SAFB: variants seen among roughly 807,000 people sequenced by gnomAD.
SAFB encodes scaffold attachment factor B1.
SAFB carries 15 observed loss-of-function variants against 101.6 expected under a neutral mutation model. The ratio of observed to expected loss-of-function variants is 0.15; its 90% CI spans 0.10 to 0.23. The LOEUF is 0.23. Among genes scored for constraint, SAFB ranks in the 10% least tolerant of loss-of-function variants. The pLI, the probability that SAFB is intolerant of heterozygous loss-of-function variation, is 1.00. For synonymous variants in SAFB, 449 were observed against 407.5 expected (o/e 1.10, Z -1.23); for missense variants, 930 against 1,104.1 (o/e 0.84, Z 2.23).
chr19:5,626,357 T>C, intron 1 of SAFB, 48 bp from the exon 2 acceptor site: 1 of 1,053,446 alleles, frequency 9.5e-7, no homozygotes, highest in South Asian at 1.3e-5. Context: ...CTGAAAGCAG[T>C]GTGTGAGCTG....
chr19:5,632,261 G>C (rs2053505619), intron 2 of SAFB, among the ~76,000 whole-genome samples: 1 of 152,164 alleles, frequency 6.6e-6, no homozygotes, highest in African/African-American at 2.4e-5. Context: ...TAAGTTGCAA[G>C]AATAATGCAA....
chr19:5,658,873 G>A (rs1353632556), intron 14 of SAFB, among the ~76,000 whole-genome samples: 4 of 150,410 alleles, frequency 2.7e-5, no homozygotes, highest in Admixed American at 6.6e-5. Context: ...GGGGCCGGGC[G>A]CGGTGGCTCA....
intron 2 of SAFB, among the ~76,000 whole-genome samples, chr19:5,640,803 C>T (rs962716046): frequency 7.9e-5 from 12 of 152,250 alleles, no homozygotes; most frequent in Non-Finnish European, 1.2e-4. Context: ...GTTGGCCAGG[C>T]TGGTGTCAAA....
intron 2 of SAFB, among the ~76,000 whole-genome samples, chr19:5,628,201 A>G (rs1375871675): frequency 6.6e-6 from 1 of 152,138 alleles, no homozygotes; most frequent in African/African-American, 2.4e-5. Context: ...CACTGAGCCC[A>G]GATCGCACCA....
chr19:5,657,499 A>C (rs1243114182), intron 14 of SAFB, 152 bp downstream of exon 14: 1 of 584,732 alleles, frequency 1.7e-6, no homozygotes, highest in Admixed American at 3.2e-5. Flanking sequence ...GTTATGTTTT[A>C]ACTTTCATCC....
chr19:5,653,889 C>T (rs2053995508), intron 11 of SAFB, among the ~76,000 whole-genome samples, 172 bp from the exon 12 acceptor site: 1 of 151,900 alleles, frequency 6.6e-6, no homozygotes, highest in Non-Finnish European at 1.5e-5. Context: ...TCCCGATTTG[C>T]TTGGATTATA....
At chr19:5,662,544 T>TA (rs2054237358) in intron 15 of SAFB, among the ~76,000 whole-genome samples, 1 of 151,080 alleles carries the variant, frequency 6.6e-6, no homozygotes, top group Admixed American at 6.6e-5. Context: ...GCTGGTTAAC[T>TA]AACCAGGTTC....
chr19:5,650,475 G>A (rs993630158), intron 8 of SAFB, among the ~76,000 whole-genome samples: 2 of 152,206 alleles, frequency 1.3e-5, no homozygotes, highest in Middle Eastern at 3.4e-3. Context: ...GCAGTGGCGC[G>A]ATCTCAGCTC....
Position 5,668,469 on chromosome 19 carries a change from A to C in SAFB, c.*178A>C. 1.7e-6 allele frequency: 1 copy of C among 598,710 alleles called. No individual in the cohort carries two copies. Among genetic ancestry groups the C allele is most frequent in the Non-Finnish European group, 2.7e-6 (1 of 365,342 alleles). 37.1% of individuals were successfully genotyped at this position (598,710 alleles called of 1,614,324 possible). A position where few individuals can be genotyped will look rare whatever the true frequency, so the allele number is the denominator to read the frequency against. The stretch of plus-strand genomic sequence containing the variant: ...TTGTAATAAATGTGTTTCCGTTCAC[A>C]TACCCTTTATTTAAAGTGTCATTTC... On this transcript the variant is annotated 3_prime_UTR_variant, in exon 21 of 21. Transcript: ENST00000588852.
At chr19:5,655,975 G>C (rs1180827001) in intron 13 of SAFB, among the ~76,000 whole-genome samples, 1 of 152,080 alleles carries the variant, frequency 6.6e-6, no homozygotes. Context: ...TTGGTGTTTT[G>C]ATCTTATATG....
intron 1 of SAFB, 73 bp downstream of exon 1, chr19:5,623,467 C>T (rs2053241062): frequency 7.4e-7 from 1 of 1,343,898 alleles, no homozygotes; most frequent in African/African-American, 1.5e-5. Context: ...GGCTCGCGGG[C>T]CCTGGCGTCC....
At chr19:5,668,061 G>A in intron 20 of SAFB, 101 bp from the exon 21 acceptor site, 1 of 1,514,500 alleles carries the variant, frequency 6.6e-7, no homozygotes, top group Non-Finnish European at 8.9e-7. Flanking sequence ...GCATTAGGAA[G>A]GGGCCCTGCC....
At chr19:5,648,504 C>T (rs2053871424) in intron 6 of SAFB, 4 of 285,568 alleles carry the variant, frequency 1.4e-5, no homozygotes, top group Non-Finnish European at 2.7e-5. Context: ...GAAAGAGTGT[C>T]TTCATGAGAA....
At chr19:5,653,921 A>G in intron 11 of SAFB, 140 bp from the exon 12 acceptor site, 2 of 675,084 alleles carry the variant, frequency 3.0e-6, no homozygotes, top group Admixed American at 2.7e-5. Flanking sequence ...TTGTGGTTTT[A>G]GTAGAGATGG....
rs2054387240 is a variant in SAFB, at chr19:5,668,402, A to C, written c.*111A>C. 5.8e-6 allele frequency: 7 copies of C among 1,203,018 alleles called. No homozygotes were observed. Among genetic ancestry groups the C allele is most frequent in the Non-Finnish European group, 7.9e-6 (7 of 885,296 alleles). 74.5% of individuals were successfully genotyped at this position (1,203,018 alleles called of 1,614,324 possible). A position where few individuals can be genotyped will look rare whatever the true frequency, so the allele number is the denominator to read the frequency against. ...TTAATCTGCTGCCATATTGTAGCTC[A>C]ATACAATGTGAATTTGTTTTTCGTT... On this transcript the variant is annotated 3_prime_UTR_variant, in exon 21 of 21. Transcript: ENST00000588852.
Position 5,648,994 on chromosome 19 carries a change from G to A in SAFB, c.643G>A (p.Glu215Lys), listed in dbSNP as rs2053880961. ...IEEPSLEPEN[E>K]KILDILGETC... ...TATTCCTGTTAAATCCGTAGAAAAT[G>A]AGAAAATACTCGACATTTTGGGGGA... Residue 215 changes from glutamate (E) to lysine (K), a missense_variant, in exon 7 of 21, where the codon GAG becomes AAG. Around this residue, in one of 7 missense-constraint regions of SAFB, gnomAD observed 130 missense variants for 114.2 expected, o/e 1.14. Transcript: ENST00000588852. 2.2e-6 allele frequency: 1 copy of A among 455,246 alleles called. No homozygotes were observed. Among genetic ancestry groups the A allele is most frequent in the Admixed American group, 4.0e-5 (1 of 24,924 alleles). The allele number at this position is 455,246 out of a possible 1,614,324, so 28.2% of individuals were successfully genotyped here. A position where few individuals can be genotyped will look rare whatever the true frequency, so the allele number is the denominator to read the frequency against.
chr19:5,632,263 ATAATGCAAGG>A (rs757374483), intron 2 of SAFB, among the ~76,000 whole-genome samples: 17 of 152,214 alleles, frequency 1.1e-4, no homozygotes, highest in Non-Finnish European at 2.2e-4. Flanking sequence ...AGTTGCAAGA[ATAATGCAAGG>A]AATTCCCATA....
At position 5,667,121 on chromosome 19, in the gene SAFB, G is replaced by T; in HGVS notation, c.2410G>T (p.Asp804Tyr). 6.2e-7 allele frequency: 1 copy of T among 1,612,208 alleles called. No homozygotes were observed. Among genetic ancestry groups the T allele is most frequent in the Non-Finnish European group, 8.5e-7 (1 of 1,179,152 alleles). ...SRDGWGGYGS[D>Y]KRMSEGRGLP... Reference sequence around the variant, plus strand: ...CGATGGCTGGGGGGGCTATGGCTCTGACAAGAGGATGAGCGAGGGCCGGGG... The same window carrying T: ...CGATGGCTGGGGGGGCTATGGCTCTTACAAGAGGATGAGCGAGGGCCGGGG... Residue 804 changes from aspartate to tyrosine, a missense_variant, in exon 18 of 21, where the codon GAC becomes TAC. Around this residue, in one of 7 missense-constraint regions of SAFB, gnomAD observed 318 missense variants for 342.6 expected, o/e 0.93. Transcript: ENST00000588852. This position sits in a 1 kb window ranked among gnomAD's most constrained non-coding sequence, Gnocchi z 4.0.
At chr19:5,657,146 C>A in intron 13 of SAFB, 95 bp from the exon 14 acceptor site, 1 of 793,438 alleles carries the variant, frequency 1.3e-6, no homozygotes. Context: ...CTCAAGTGAT[C>A]CACCCGCCCT....
Sources: gnomAD v4.1 joint callset for allele counts (sites outside exome capture counted in the v4.1 genomes callset) on GRCh38, gnomAD v4.1.1 for gene constraint, gnomAD v4.1.1 regional missense constraint, Gnocchi (gnomAD v3.1) non-coding constraint, MANE v1.5 for transcripts, NCBI Gene and HGNC (gene_info 2026-07-23, HGNC 2026-07-21) for gene names.